TRABD2B: variants seen among roughly 807,000 people sequenced by gnomAD.
TRABD2B encodes TraB domain containing 2B, also known as metalloprotease TIKI2.
A neutral mutation model predicts 40.1 loss-of-function variants in TRABD2B; 14 were observed. The ratio of observed to expected loss-of-function variants is 0.35; its 90% CI spans 0.23 to 0.55. The LOEUF (loss-of-function observed/expected upper bound fraction) is 0.55, where lower values mean the gene tolerates loss of function less well. Ranked by LOEUF, TRABD2B falls within the 20% of genes least tolerant of loss-of-function variation. The pLI, the probability that TRABD2B is intolerant of heterozygous loss-of-function variation, is 0.90. For missense variants in TRABD2B, 541 were observed against 648.6 expected (o/e 0.83, Z 1.80); for synonymous variants, 263 against 277.0 (o/e 0.95, Z 0.50).
intron 3 of TRABD2B, among the ~76,000 whole-genome samples, chr1:47,795,450 A>G (rs1338404356): frequency 6.6e-6 from 1 of 152,164 alleles, no homozygotes; most frequent in East Asian, 1.9e-4. Flanking sequence ...AAGTACAAGG[A>G]ATTTAGTTCA....
intron 2 of TRABD2B, among the ~76,000 whole-genome samples, chr1:47,970,891 C>T (rs901453170): frequency 6.6e-6 from 1 of 152,140 alleles, no homozygotes; most frequent in Non-Finnish European, 1.5e-5. Context: ...TGTCTGCTAG[C>T]GTCTCACTGG....
At chr1:47,925,585 T>A (rs1644958702) in intron 2 of TRABD2B, among the ~76,000 whole-genome samples, 1 of 152,254 alleles carries the variant, frequency 6.6e-6, no homozygotes. Context: ...GTTTCTATTA[T>A]CTCCATTTCA....
intron 4 of TRABD2B, among the ~76,000 whole-genome samples, chr1:47,780,362 A>G (rs59648364): frequency 0.025 from 3,828 of 152,312 alleles, 159 homozygotes; most frequent in African/African-American, 0.086. Flanking sequence ...GTTTCATTCC[A>G]GAGACCCTTA....
rs76209852 is a variant in TRABD2B at position 47,775,080 on chromosome 1, C to T, written c.1349+90G>A. 600 of 1,193,470 alleles carry T rather than the reference C, an allele frequency of 5.0e-4. No homozygotes were observed. The African/African-American group carries it at 8.3e-3, about 16-fold the overall frequency. 73.9% of individuals were successfully genotyped at this position (1,193,470 alleles called of 1,614,324 possible). A position where few individuals can be genotyped will look rare whatever the true frequency, so the allele number is the denominator to read the frequency against. On this transcript the variant is annotated intron_variant, in intron 6 of 6. Coordinates refer to ENST00000606738, the MANE Select transcript of TRABD2B (RefSeq NM_001194986.2). ...CTTCCTTAGAGCAGGGCTGGCCTGA[C>T]GACAGTGTGCCCAGCTGTGGGGGGT... is the stretch of plus-strand genomic sequence containing the variant.
At chr1:47,911,117 A>G (rs1466813422) in intron 2 of TRABD2B, among the ~76,000 whole-genome samples, 2 of 152,216 alleles carry the variant, frequency 1.3e-5, no homozygotes, top group Non-Finnish European at 2.9e-5. Context: ...ATGGGGGAAA[A>G]TAGAAATGTG....
At chr1:47,842,443 C>A (rs75037887) in intron 2 of TRABD2B, among the ~76,000 whole-genome samples, 3,586 of 152,228 alleles carry the variant, frequency 0.024, 113 homozygotes, top group Admixed American at 0.094. Flanking sequence ...TGGGGCTATA[C>A]CCTCCCAGGG....
intron 2 of TRABD2B, among the ~76,000 whole-genome samples, chr1:47,937,177 T>C (rs1645121439): frequency 1.4e-5 from 2 of 146,394 alleles, no homozygotes; most frequent in Non-Finnish European, 1.5e-5. Flanking sequence ...ACCACCACCA[T>C]CATTATCATC....
intron 2 of TRABD2B, among the ~76,000 whole-genome samples, chr1:47,853,864 C>A (rs1023120879): frequency 6.6e-6 from 1 of 152,212 alleles, no homozygotes; most frequent in East Asian, 1.9e-4. Flanking sequence ...CAAGTCGTAG[C>A]TAGAGTGGAC....
At chr1:47,961,890 G>T (rs577351723) in intron 2 of TRABD2B, among the ~76,000 whole-genome samples, 1 of 152,252 alleles carries the variant, frequency 6.6e-6, no homozygotes, top group Non-Finnish European at 1.5e-5. Flanking sequence ...TATAAATCAT[G>T]CTGCTATAAA....
chr1:47,946,509 C>G (rs531586503), intron 2 of TRABD2B, among the ~76,000 whole-genome samples: 1 of 152,064 alleles, frequency 6.6e-6, no homozygotes, highest in South Asian at 2.1e-4. Context: ...GGTTTTTCTT[C>G]TTTAGTCTAC....
intron 2 of TRABD2B, among the ~76,000 whole-genome samples, chr1:47,940,106 C>T (rs921512213): frequency 6.6e-6 from 1 of 152,224 alleles, no homozygotes; most frequent in Admixed American, 6.5e-5. Flanking sequence ...CATGTGGTTT[C>T]CCACAGGGAC....
chr1:47,776,507 A>G (rs1215300096), intron 5 of TRABD2B, among the ~76,000 whole-genome samples: 2 of 152,228 alleles, frequency 1.3e-5, no homozygotes, highest in Non-Finnish European at 2.9e-5. Flanking sequence ...GGCAGGCGCT[A>G]AAGTGTCATT....
chr1:47,982,796 T>G (rs1397193875), intron 2 of TRABD2B, among the ~76,000 whole-genome samples: 2 of 152,198 alleles, frequency 1.3e-5, no homozygotes, highest in Non-Finnish European at 2.9e-5. Flanking sequence ...CGTGTAAGTC[T>G]GCTTCCTTTC....
At chr1:47,840,809 A>G (rs1333341193) in intron 2 of TRABD2B, among the ~76,000 whole-genome samples, 1 of 152,154 alleles carries the variant, frequency 6.6e-6, no homozygotes, top group East Asian at 1.9e-4. Context: ...ATTAAGAAAA[A>G]GAGAAAAATT....
chr1:47,768,407 G>A (rs753828806), intron 6 of TRABD2B, among the ~76,000 whole-genome samples: 2 of 151,972 alleles, frequency 1.3e-5, no homozygotes, highest in Non-Finnish European at 2.9e-5. Context: ...CCCACCCCAT[G>A]CCGGCCTGAT....
At chr1:47,968,506 T>C (rs1167540219) in intron 2 of TRABD2B, among the ~76,000 whole-genome samples, 1 of 152,162 alleles carries the variant, frequency 6.6e-6, no homozygotes, top group East Asian at 1.9e-4. Flanking sequence ...GAGTCATTCA[T>C]CTTGGGCTCA....
chr1:47,971,351 T>C (rs953571013), intron 2 of TRABD2B, among the ~76,000 whole-genome samples: 1 of 152,188 alleles, frequency 6.6e-6, no homozygotes, highest in African/African-American at 2.4e-5. Flanking sequence ...TCTCAATACA[T>C]GAGAAACCTT....
chr1:47,903,099 G>A (rs1031049694), intron 2 of TRABD2B, among the ~76,000 whole-genome samples: 1 of 152,150 alleles, frequency 6.6e-6, no homozygotes, highest in African/African-American at 2.4e-5. Context: ...GCCTCCTCCT[G>A]TCCCTCAGAG....
chr1:47,847,810 G>C (rs1203128271), intron 2 of TRABD2B, among the ~76,000 whole-genome samples: 1 of 152,234 alleles, frequency 6.6e-6, no homozygotes, highest in African/African-American at 2.4e-5. Context: ...CGGCCGAGCT[G>C]TTCAGAACTT....
Sources: allele counts gnomAD v4.1 joint callset (sites outside exome capture counted in the v4.1 genomes callset), GRCh38; gene constraint gnomAD v4.1.1; transcripts MANE v1.5; gene names NCBI Gene and HGNC (gene_info 2026-07-23, HGNC 2026-07-21).